The following OSBPL2 variants were observed in gnomAD, a reference collection of about 807,000 sequenced individuals.
The protein encoded by OSBPL2 is oxysterol-binding protein-related protein 2.
In OSBPL2, 18 loss-of-function variants were observed where a neutral mutation model predicts 58.4. The ratio of observed to expected loss-of-function variants is 0.31; its 90% CI spans 0.21 to 0.46. The LOEUF is 0.46. Among genes scored for constraint, OSBPL2 ranks in the 20% least tolerant of loss-of-function variants. The pLI, the probability that OSBPL2 is intolerant of heterozygous loss-of-function variation, is 1.00. For synonymous variants in OSBPL2, 221 were observed against 234.1 expected, an observed-to-expected ratio of 0.94 and a Z score of 0.51; for missense variants, 461 against 616.5, an observed-to-expected ratio of 0.75 and a Z score of 2.67.
At chr20:62,250,760 G>A (rs1489186134) in intron 1 of OSBPL2, among the ~76,000 whole-genome samples, 3 of 151,990 alleles carry the variant, frequency 2.0e-5, no homozygotes, top group Non-Finnish European at 2.9e-5. Flanking sequence ...GTCCCTACAA[G>A]CAGTTTTTTA....
chr20:62,243,240 C>T (rs1979850594), intron 1 of OSBPL2, among the ~76,000 whole-genome samples: 1 of 152,230 alleles, frequency 6.6e-6, no homozygotes, highest in African/African-American at 2.4e-5. Flanking sequence ...AGTGCCCTGG[C>T]TCTGGCTTGG....
chr20:62,254,136 A>G (rs1980762086), intron 1 of OSBPL2, among the ~76,000 whole-genome samples: 1 of 152,164 alleles, frequency 6.6e-6, no homozygotes, highest in African/African-American at 2.4e-5. Context: ...ATAAAACAGC[A>G]TTAAGCCATT....
chr20:62,262,205 A>C (rs1244745485), intron 3 of OSBPL2, among the ~76,000 whole-genome samples: 1 of 151,790 alleles, frequency 6.6e-6, no homozygotes, highest in Non-Finnish European at 1.5e-5. Context: ...GAAATGACCC[A>C]GCTCGGACAG....
chr20:62,273,446 G>A, intron 6 of OSBPL2, 40 bp downstream of exon 6: 2 of 1,385,128 alleles, frequency 1.4e-6, no homozygotes, highest in African/African-American at 1.4e-5. Flanking sequence ...CTTGTAAATG[G>A]AATTCCTTGG....
intron 4 of OSBPL2, chr20:62,271,815 C>T: frequency 9.6e-6 from 3 of 313,278 alleles, no homozygotes; most frequent in South Asian, 5.0e-5. Context: ...CGCAGGTGGG[C>T]CCAAGAGCCC....
chr20:62,292,486 A>G (rs973252177), intron 13 of OSBPL2, among the ~76,000 whole-genome samples: 1 of 152,252 alleles, frequency 6.6e-6, no homozygotes, highest in Admixed American at 6.5e-5. Flanking sequence ...AGCTGCTGGG[A>G]CATGATTCCT....
intron 1 of OSBPL2, among the ~76,000 whole-genome samples, chr20:62,253,005 A>G (rs1220880594): frequency 1.3e-5 from 2 of 152,270 alleles, no homozygotes; most frequent in Non-Finnish European, 2.9e-5. Flanking sequence ...GTGGGGACAC[A>G]TCCAGACCAT....
rs1238662774 is a variant in OSBPL2 at position 62,279,349 on chromosome 20, G to A, written c.674+10G>A. The A allele has an allele frequency of 9.9e-6, 16 of 1,613,390 alleles. No individual in the cohort carries two copies. The highest frequency in any genetic ancestry group is 6.7e-5 in the East Asian group (3 of 44,884). On this transcript the variant is annotated intron_variant, in intron 7 of 13. Transcript: ENST00000313733. ...CCCTGGAGCTGCTCAAGTGAGTGTC[G>A]GTGCGTCCTGCTGAGATCCGCTTCC...
intron 1 of OSBPL2, among the ~76,000 whole-genome samples, chr20:62,246,929 T>C (rs1360492722): frequency 6.6e-6 from 1 of 152,180 alleles, no homozygotes; most frequent in East Asian, 1.9e-4. Context: ...AGGTGACACT[T>C]GTTTCCCTTC....
At position 62,287,195 on chromosome 20, in the gene OSBPL2, A is replaced by G. The variant is rs1983192160; in HGVS notation, c.1125+484A>G. Reference sequence around the variant, plus strand: ...AAATTGCACTTATAATTTTTATTAAATATATGATAAACTACATGTTTTATG... The same window carrying G: ...AAATTGCACTTATAATTTTTATTAAGTATATGATAAACTACATGTTTTATG... On this transcript the variant is annotated intron_variant, in intron 11 of 13. Transcript: ENST00000313733. Among the ~76,000 whole-genome samples the G allele has an allele frequency of 1.0e-4, 15 of 149,308 alleles. No individual in the cohort carries two copies. The Admixed American group carries it at 1.0e-3, about 10-fold the overall frequency.
intron 12 of OSBPL2, chr20:62,291,233 C>A: frequency 4.3e-6 from 1 of 233,902 alleles, no homozygotes; most frequent in Non-Finnish European, 8.6e-6. Flanking sequence ...ACTTCTCATG[C>A]TTTGTATTCA....
intron 1 of OSBPL2, among the ~76,000 whole-genome samples, chr20:62,245,367 A>G (rs1461166899): frequency 6.6e-6 from 1 of 152,198 alleles, no homozygotes; most frequent in Admixed American, 6.5e-5. Context: ...TGCTGGGATG[A>G]CAGGCGTGAG....
At chr20:62,272,912 A>G (rs1982157188) in intron 5 of OSBPL2, among the ~76,000 whole-genome samples, 1 of 151,918 alleles carries the variant, frequency 6.6e-6, no homozygotes, top group African/African-American at 2.4e-5. Context: ...ATAACAAAAT[A>G]CAAGTGTGTG....
intron 12 of OSBPL2, among the ~76,000 whole-genome samples, chr20:62,289,633 G>A (rs1160852542): frequency 6.6e-6 from 1 of 152,258 alleles, no homozygotes; most frequent in African/African-American, 2.4e-5. Context: ...GCCGAGCGCG[G>A]TGGCTCACGC....
At position 62,296,079 on chromosome 20, in the gene OSBPL2, G is replaced by A. The variant is rs1330128157; in HGVS notation, c.*2192G>A. On this transcript the variant is annotated 3_prime_UTR_variant, in exon 14 of 14. Coordinates refer to ENST00000313733, the MANE Select transcript of OSBPL2 (RefSeq NM_144498.4). ...TTATTTTAACTTTTTACTACTTTTT[G>A]TTACTGTTTCTGCAAATGCTAACAC... is the stretch of plus-strand genomic sequence containing the variant. 1 of 152,210 alleles carries A rather than the reference G, an allele frequency of 6.6e-6. No homozygotes were observed. The highest frequency in any genetic ancestry group is 2.4e-5 in the African/African-American group (1 of 41,448). The allele number at this position is 152,210 out of a possible 1,614,324, so 9.4% of individuals were successfully genotyped here.
At position 62,281,935 on chromosome 20, in the gene OSBPL2, G is replaced by C. The variant is rs1262605201; in HGVS notation, c.872+56G>C. Reference sequence around the variant, plus strand: ...CACTACAGCCTGTGTGTCCACGTTAGAAGGGCTCAGGTGCTCCTGGGCCTG... The same window carrying C: ...CACTACAGCCTGTGTGTCCACGTTACAAGGGCTCAGGTGCTCCTGGGCCTG... On this transcript the variant is annotated intron_variant, in intron 9 of 13. Transcript: ENST00000313733. 3 of 1,214,830 alleles carry C rather than the reference G, an allele frequency of 2.5e-6. No homozygotes were observed. In the African/African-American group the frequency reaches 4.5e-5, roughly 18 times the overall value. The allele number at this position is 1,214,830 out of a possible 1,614,324, so 75.3% of individuals were successfully genotyped here.
rs1370194619 is a variant in OSBPL2, at chr20:62,269,390, C to T, written c.259-2735C>T. Among the ~76,000 whole-genome samples, 1 of 152,194 alleles carries T rather than the reference C, an allele frequency of 6.6e-6. No homozygotes were observed. Among genetic ancestry groups the T allele is most frequent in the Non-Finnish European group, 1.5e-5 (1 of 68,036 alleles). ...GGATAGGTTCCTAGAAGTGGGGCTG[C>T]TGGGTCAGGGGCAAATACCCGTAGA... On this transcript the variant is annotated intron_variant, in intron 4 of 13. Transcript: ENST00000313733. The surrounding 1 kb of genome is among the most constrained non-coding windows in gnomAD (Gnocchi z 4.2).
chr20:62,272,355 A>C, intron 5 of OSBPL2, 96 bp downstream of exon 5: 1 of 1,346,490 alleles, frequency 7.4e-7, no homozygotes, highest in Non-Finnish European at 1.0e-6. Flanking sequence ...ATCTGTGAGG[A>C]CTCGCACAGC....
intron 10 of OSBPL2, chr20:62,286,277 C>T (rs990690377): frequency 1.8e-5 from 4 of 216,270 alleles, no homozygotes; most frequent in African/African-American, 4.6e-5. Context: ...AGTGAAACCC[C>T]GTCTCTACTA....
Sources: gnomAD v4.1 joint callset for allele counts (sites outside exome capture counted in the v4.1 genomes callset) on GRCh38, gnomAD v4.1.1 for gene constraint, Gnocchi (gnomAD v3.1) non-coding constraint, MANE v1.5 for transcripts, NCBI Gene and HGNC (gene_info 2026-07-23, HGNC 2026-07-21) for gene names.